The following CCDC88A variants were observed in gnomAD, a reference collection of about 807,000 sequenced individuals.
CCDC88A encodes the protein girdin.
A neutral mutation model predicts 234.3 loss-of-function variants in CCDC88A; 54 were observed. That is an observed-to-expected ratio of 0.23 (90% CI 0.19 to 0.29). The LOEUF (loss-of-function observed/expected upper bound fraction) is 0.29, where lower values mean the gene tolerates loss of function less well. CCDC88A is among the 10% of genes least tolerant of loss of function. CCDC88A has a pLI of 1.00. For synonymous variants in CCDC88A, 753 were observed against 737.8 expected, an observed-to-expected ratio of 1.02 and a Z score of -0.33; for missense variants, 1,832 against 2,123.4, an observed-to-expected ratio of 0.86 and a Z score of 2.70.
intron 5 of CCDC88A, among the ~76,000 whole-genome samples, chr2:55,365,780 A>T (rs1258189445): frequency 1.3e-5 from 2 of 152,222 alleles, no homozygotes; most frequent in Non-Finnish European, 2.9e-5. Flanking sequence ...AAAAAAGAGA[A>T]AGACTGTCAA....
chr2:55,348,595 A>G (rs1383736941), intron 9 of CCDC88A: 1 of 152,200 alleles, frequency 6.6e-6, no homozygotes, highest in South Asian at 2.1e-4. Flanking sequence ...TTAAAACTTC[A>G]TAGTTTTAGT....
At chr2:55,349,894 TC>T (rs1436583336) in intron 8 of CCDC88A, 1 of 196,638 alleles carries the variant, frequency 5.1e-6, no homozygotes, top group African/African-American at 3.6e-5. Flanking sequence ...CACTCTTCTT[TC>T]TCTCTTCCTC....
intron 3 of CCDC88A, among the ~76,000 whole-genome samples, chr2:55,382,221 A>T (rs1674711881): frequency 6.6e-6 from 1 of 152,190 alleles, no homozygotes. Context: ...AAACCTACAA[A>T]GTATCTATTT....
intron 3 of CCDC88A, among the ~76,000 whole-genome samples, chr2:55,375,457 A>T (rs1673474894): frequency 6.9e-6 from 1 of 143,984 alleles, no homozygotes; most frequent in Non-Finnish European, 1.5e-5. Context: ...ATTTATAAGT[A>T]CTGTCACTGT....
rs368954094 is a variant in CCDC88A at position 55,384,877 on chromosome 2, G to A, written c.273+3901C>T. Among the ~76,000 whole-genome samples the A allele has an allele frequency of 7.3e-5, 11 of 151,640 alleles. No individual in the cohort carries two copies. The East Asian group carries it at 9.7e-4, about 13-fold the overall frequency. On this transcript the variant is annotated intron_variant, in intron 3 of 32. Transcript: ENST00000436346. ...TCACCACGTTGGCCAGGCTGGTTTG[G>A]AACTCCAGACCTCCAGTGATCCACC...
chr2:55,388,061 C>G (rs1055386825), intron 3 of CCDC88A, among the ~76,000 whole-genome samples: 1 of 152,106 alleles, frequency 6.6e-6, no homozygotes, highest in African/African-American at 2.4e-5. Context: ...TCACTCTGCG[C>G]CCAAACAATT....
chr2:55,381,949 A>T (rs142757378), intron 3 of CCDC88A, among the ~76,000 whole-genome samples: 473 of 152,332 alleles, frequency 3.1e-3, no homozygotes, highest in African/African-American at 0.011. Flanking sequence ...AATTCAGTAC[A>T]TGACAACATT....
chr2:55,368,428 A>G (rs567414762), intron 5 of CCDC88A, among the ~76,000 whole-genome samples: 2 of 150,722 alleles, frequency 1.3e-5, no homozygotes, highest in African/African-American at 2.5e-5. Flanking sequence ...CAATTTCCCA[A>G]TGCTTGTTTC....
In CCDC88A at chr2:55,334,189, CT is replaced by C; in HGVS notation, c.2631del (p.Glu878AsnfsTer6). Reference protein sequence around the residue: ...KTLSKEIGIYKESCVRLKELE... With the variant: ...KTLSKEIGIYXESCVRLKELE... Reference sequence around the variant, plus strand: ...AGTTCTTTCAGACGGACACAAGATTCTTTATATATACCAATTTCTTTGGATA... The same window carrying C: ...AGTTCTTTCAGACGGACACAAGATTCTTATATATACCAATTTCTTTGGATA... On this transcript the variant is annotated frameshift_variant, in exon 15 of 33. Transcript: ENST00000436346. LOFTEE classifies it high-confidence loss of function. This position sits in a 1 kb window ranked among gnomAD's most constrained non-coding sequence, Gnocchi z 6.1. The C allele has an allele frequency of 7.1e-7, 1 of 1,406,526 alleles. No homozygotes were observed. Among genetic ancestry groups the C allele is most frequent in the Non-Finnish European group, 9.3e-7 (1 of 1,079,412 alleles). The allele number at this position is 1,406,526 out of a possible 1,614,324, so 87.1% of individuals were successfully genotyped here.
chr2:55,301,738 T>C, intron 27 of CCDC88A, 134 bp downstream of exon 27: 1 of 743,794 alleles, frequency 1.3e-6, no homozygotes, highest in Non-Finnish European at 2.2e-6. Context: ...TGAAAGTTCC[T>C]CCAAATCCAA....
In CCDC88A at chr2:55,309,373, T is replaced by C. The variant is rs984288570; in HGVS notation, c.4080-119A>G. On this transcript the variant is annotated intron_variant, in intron 23 of 32. Transcript: ENST00000436346. This position sits in a 1 kb window ranked among gnomAD's most constrained non-coding sequence, Gnocchi z 5.1. ...AAAACATAAAAAAATACAGATACCA[T>C]GGTTGGCAACTAAGATTTCATCAGG... 38 of 477,580 alleles carry C rather than the reference T, an allele frequency of 8.0e-5. No homozygotes were observed. Among genetic ancestry groups the C allele is most frequent in the Admixed American group, 1.5e-4 (4 of 25,928 alleles). 29.6% of individuals were successfully genotyped at this position (477,580 alleles called of 1,614,324 possible). A position where few individuals can be genotyped will look rare whatever the true frequency, so the allele number is the denominator to read the frequency against.
intron 18 of CCDC88A, 123 bp from the exon 19 acceptor site, chr2:55,319,127 A>G: frequency 1.3e-6 from 1 of 752,666 alleles, no homozygotes; most frequent in South Asian, 3.9e-5. Flanking sequence ...AAAAGCCCCA[A>G]CAATCTTAAA....
At chr2:55,417,321 A>G (rs1681659283) in intron 2 of CCDC88A, 1 of 152,068 alleles carries the variant, frequency 6.6e-6, no homozygotes, top group Admixed American at 6.5e-5. Context: ...TCTTCCGTCT[A>G]AAAATAAGCA....
chr2:55,308,811 C>T lies in CCDC88A; in HGVS notation c.4385G>A (p.Ser1462Asn), dbSNP rs1484501600. The change falls in exon 25 of 33, where the codon AGC becomes AAC. Residue 1462 changes from serine to asparagine, a missense_variant and splice_region_variant. By Grantham distance (46) the Ser-to-Asn change is conservative (BLOSUM62 1). Coordinates refer to ENST00000436346, the MANE Select transcript of CCDC88A (RefSeq NM_001365480.1). ...GTTTAAAGAGTTTAAGCACTCACTGCTGCTTTTCTTGGTCCCCAAGGTCTG... is the reference window on the plus strand; with the variant it reads ...GTTTAAAGAGTTTAAGCACTCACTGTTGCTTTTCTTGGTCCCCAAGGTCTG... ...DGQTLGTKKS[S>N]MVALKRLPFL... The T allele has an allele frequency of 2.5e-6, 4 of 1,611,700 alleles. No individual in the cohort carries two copies. The African/African-American group carries it at 4.0e-5, about 16-fold the overall frequency.
intron 23 of CCDC88A, among the ~76,000 whole-genome samples, chr2:55,310,186 G>C (rs1209124620): frequency 6.6e-6 from 1 of 152,182 alleles, no homozygotes. Flanking sequence ...TTTACATTCT[G>C]CTCAGTAGGA....
chr2:55,293,168 G>A (rs2576690), intron 31 of CCDC88A, among the ~76,000 whole-genome samples: 150,744 of 152,306 alleles, frequency 0.99, 74,603 homozygotes, highest in East Asian at 1. Context: ...ACAATATTTT[G>A]AAGTGTTATG....
chr2:55,384,659 A>ATGTATGTG lies in CCDC88A; in HGVS notation c.273+4118_273+4119insCACATACA, dbSNP rs1478886463. On this transcript the variant is annotated intron_variant, in intron 3 of 32. Coordinates refer to ENST00000436346, the MANE Select transcript of CCDC88A (RefSeq NM_001365480.1). ...TATATGTGTATATATACATATATAT[A>ATGTATGTG]TATATATATTTTTTAAAGACAGAGT... Among the ~76,000 whole-genome samples the ATGTATGTG allele has an allele frequency of 1.2e-4, 6 of 52,022 alleles. 2 individuals carry two copies. Among genetic ancestry groups the ATGTATGTG allele is most frequent in the African/African-American group, 7.8e-4 (5 of 6,390 alleles). The allele number at this position is 52,022 out of a possible 152,430, so 34.1% of individuals were successfully genotyped here.
intron 13 of CCDC88A, chr2:55,337,060 C>A: frequency 9.4e-6 from 3 of 317,602 alleles, no homozygotes; most frequent in Admixed American, 5.2e-5. Context: ...TTTCTAAACA[C>A]AAAGACAAAT....
At chr2:55,388,578 C>G (rs1676095389) in intron 3 of CCDC88A, 200 bp downstream of exon 3, 1 of 313,306 alleles carries the variant, frequency 3.2e-6, no homozygotes, top group Non-Finnish European at 5.8e-6. Context: ...TCATTTGTAA[C>G]ATTAGAAAAT....
Sources: gnomAD v4.1 joint callset for allele counts (sites outside exome capture counted in the v4.1 genomes callset) on GRCh38, gnomAD v4.1.1 for gene constraint, Gnocchi (gnomAD v3.1) non-coding constraint, MANE v1.5 for transcripts, NCBI Gene and HGNC (gene_info 2026-07-23, HGNC 2026-07-21) for gene names.